The following CPNE4 variants were observed in gnomAD, a reference collection of about 807,000 sequenced individuals.
CPNE4 encodes the protein copine-4.
In CPNE4, 25 loss-of-function variants were observed where a neutral mutation model predicts 67.9. That is an observed-to-expected ratio of 0.37 (90% confidence interval 0.27 to 0.51). The LOEUF is 0.51. CPNE4 is among the 20% of genes least tolerant of loss of function. CPNE4 has a pLI of 0.93. For missense variants in CPNE4, 464 were observed against 690.8 expected (o/e 0.67, Z 3.68); for synonymous variants, 242 against 244.9 (o/e 0.99, Z 0.11).
chr3:131,919,254 G>A (rs2070675105), intron 1 of CPNE4, among the ~76,000 whole-genome samples: 1 of 152,184 alleles, frequency 6.6e-6, no homozygotes, highest in Non-Finnish European at 1.5e-5. Context: ...CAGCTGGATA[G>A]ATTTCTTTCC....
chr3:131,691,574 A>G (rs1383888957), intron 5 of CPNE4, among the ~76,000 whole-genome samples: 1 of 152,158 alleles, frequency 6.6e-6, no homozygotes, highest in African/African-American at 2.4e-5. Flanking sequence ...GCAAGGGCTG[A>G]AAAACTACCT....
At chr3:131,644,117 T>C (rs2079604307) in intron 7 of CPNE4, among the ~76,000 whole-genome samples, 1 of 152,082 alleles carries the variant, frequency 6.6e-6, no homozygotes, top group Non-Finnish European at 1.5e-5. Context: ...TCTGCTTTAG[T>C]AGGTCTTAGG....
At chr3:131,556,019 A>T (rs139636042) in intron 11 of CPNE4, among the ~76,000 whole-genome samples, 3 of 152,062 alleles carry the variant, frequency 2.0e-5, no homozygotes, top group African/African-American at 7.2e-5. Flanking sequence ...CTTGCCCAAG[A>T]TCATGCCACT....
At chr3:131,909,012 A>ATG (rs2088874143) in intron 1 of CPNE4, among the ~76,000 whole-genome samples, 1 of 152,202 alleles carries the variant, frequency 6.6e-6, no homozygotes. Flanking sequence ...TGCTTTCACT[A>ATG]CCAACTGAAA....
intron 2 of CPNE4, among the ~76,000 whole-genome samples, chr3:131,789,035 C>CAGAGAGAGAG (rs71136414): frequency 7.3e-6 from 1 of 137,304 alleles, no homozygotes; most frequent in African/African-American, 2.8e-5. Flanking sequence ...CACACACACA[C>CAGAGAGAGAG]AGAGAGAGAG....
At chr3:132,010,444 G>A (rs2107676484) in intron 1 of CPNE4, among the ~76,000 whole-genome samples, 1 of 152,292 alleles carries the variant, frequency 6.6e-6, no homozygotes, top group Admixed American at 6.5e-5. Flanking sequence ...AGAATGCTGA[G>A]TCGTGGCCTC....
At chr3:131,754,382 AAG>A (rs2082705107) in intron 2 of CPNE4, among the ~76,000 whole-genome samples, 1 of 152,184 alleles carries the variant, frequency 6.6e-6, no homozygotes, top group African/African-American at 2.4e-5. Flanking sequence ...TAAGAAAAAA[AAG>A]AGATTGCTCT....
chr3:131,894,388 A>T (rs2088234884), intron 2 of CPNE4, among the ~76,000 whole-genome samples: 1 of 152,026 alleles, frequency 6.6e-6, no homozygotes, highest in Non-Finnish European at 1.5e-5. Flanking sequence ...ACACCAAACT[A>T]AAAAGCTTTT....
At chr3:131,714,279 TG>T (rs1227191613) in intron 3 of CPNE4, among the ~76,000 whole-genome samples, 3 of 152,138 alleles carry the variant, frequency 2.0e-5, no homozygotes, top group Admixed American at 6.5e-5. Context: ...GCTTGTGGTC[TG>T]CCCACTCTTT....
At chr3:131,675,938 A>G (rs1475516030) in intron 6 of CPNE4, among the ~76,000 whole-genome samples, 2 of 139,696 alleles carry the variant, frequency 1.4e-5, no homozygotes, top group Non-Finnish European at 3.1e-5. Context: ...TCTCTGGTTT[A>G]TGTTTTTTTA....
intron 2 of CPNE4, among the ~76,000 whole-genome samples, chr3:131,801,367 T>TG (rs1365312156): frequency 3.0e-5 from 4 of 133,478 alleles, no homozygotes; most frequent in Non-Finnish European, 6.3e-5. Context: ...TATATATATA[T>TG]GTACCATATA....
At chr3:131,786,306 T>C (rs1560308198) in intron 2 of CPNE4, among the ~76,000 whole-genome samples, 1 of 152,150 alleles carries the variant, frequency 6.6e-6, no homozygotes, top group Non-Finnish European at 1.5e-5. Flanking sequence ...GTTCTTTATA[T>C]GTCAGATGAG....
At chr3:131,929,611 A>C (rs1225034) in intron 1 of CPNE4, among the ~76,000 whole-genome samples, 114,115 of 151,604 alleles carry the variant, frequency 0.75, 43,388 homozygotes, top group African/African-American at 0.84. Context: ...CAGATCTGCA[A>C]GGATCTGCCC....
intron 8 of CPNE4, among the ~76,000 whole-genome samples, chr3:131,584,035 C>T (rs1341435055): frequency 6.6e-6 from 1 of 152,138 alleles, no homozygotes; most frequent in South Asian, 2.1e-4. Flanking sequence ...ACTAAGGATA[C>T]TTATAAATGT....
intron 2 of CPNE4, among the ~76,000 whole-genome samples, chr3:131,890,258 A>T (rs375152824): frequency 2.0e-5 from 3 of 152,142 alleles, no homozygotes; most frequent in Admixed American, 2.0e-4. Flanking sequence ...AAATAACCTG[A>T]TTTTTTAAAT....
rs568725009 is a variant in CPNE4, at chr3:131,847,892, C to T, written c.180+57372G>A. On this transcript the variant is annotated intron_variant, in intron 2 of 15. Coordinates refer to ENST00000429747, the MANE Select transcript of CPNE4 (RefSeq NM_130808.3). ...GAGGGTGAAAGTAGTTCACTTCACC[C>T]AGGATTTAGGTAGTAGGTCTCTGAC... 3.9e-5 allele frequency among the ~76,000 whole-genome samples: 6 copies of T among 152,218 alleles called. No homozygotes were observed. The South Asian group carries it at 1.0e-3, about 26-fold the overall frequency.
intron 2 of CPNE4, among the ~76,000 whole-genome samples, chr3:131,841,898 A>G (rs2085795722): frequency 6.6e-6 from 1 of 152,192 alleles, no homozygotes; most frequent in African/African-American, 2.4e-5. Context: ...CCATATTGGG[A>G]GGAAATAAAA....
chr3:131,685,510 G>A lies in CPNE4; in HGVS notation c.591+365C>T, dbSNP rs111315531. On this transcript the variant is annotated intron_variant, in intron 6 of 15. Transcript: ENST00000429747. Reference sequence around the variant, plus strand: ...ATTAAGAAGTAAAAGGAGGCTGGGCGCGGTGGCTCACGCCTGTAATCCCAG... The same window carrying A: ...ATTAAGAAGTAAAAGGAGGCTGGGCACGGTGGCTCACGCCTGTAATCCCAG... Among the ~76,000 whole-genome samples the A allele has an allele frequency of 4.3e-3, 655 of 152,230 alleles. 4 individuals carry two copies. Among genetic ancestry groups the A allele is most frequent in the African/African-American group, 0.015 (616 of 41,558 alleles).
intron 7 of CPNE4, among the ~76,000 whole-genome samples, chr3:131,617,153 T>A (rs531537889): frequency 1.3e-5 from 2 of 152,190 alleles, no homozygotes; most frequent in South Asian, 4.1e-4. Context: ...ATATCTTAGG[T>A]TAAGTGGTAA....
Sources: gnomAD v4.1 joint callset for allele counts (sites outside exome capture counted in the v4.1 genomes callset) on GRCh38, gnomAD v4.1.1 for gene constraint, MANE v1.5 for transcripts, NCBI Gene and HGNC (gene_info 2026-07-23, HGNC 2026-07-21) for gene names.